The following ZCCHC7 variants were observed in gnomAD, a reference collection of about 807,000 sequenced individuals.
ZCCHC7 encodes the protein zinc finger CCHC domain-containing protein 7.
A neutral mutation model predicts 52.0 loss-of-function variants in ZCCHC7; 35 were observed. The observed-to-expected ratio is 0.67, with a 90% CI of 0.51 to 0.89. The LOEUF (loss-of-function observed/expected upper bound fraction) is 0.89. ZCCHC7 is among the 40% of genes least tolerant of loss of function. The pLI is 0.00. For missense variants in ZCCHC7, 574 were observed against 649.1 expected (o/e 0.88, Z 1.26); for synonymous variants, 217 against 221.5 (o/e 0.98, Z 0.18).
At chr9:37,278,816 G>A (rs774477336) in intron 2 of ZCCHC7, among the ~76,000 whole-genome samples, 15 of 152,088 alleles carry the variant, frequency 9.9e-5, no homozygotes, top group Non-Finnish European at 1.9e-4. Flanking sequence ...GGGAAAGCTG[G>A]GAATCAAGAA....
intron 2 of ZCCHC7, among the ~76,000 whole-genome samples, chr9:37,133,487 C>T (rs776991695): frequency 2.6e-5 from 4 of 151,886 alleles, no homozygotes; most frequent in Non-Finnish European, 5.9e-5. Flanking sequence ...GCAGTTCTTC[C>T]ACCTCAGCTT....
chr9:37,207,683 T>C (rs2131315), intron 2 of ZCCHC7, among the ~76,000 whole-genome samples: 89,445 of 151,702 alleles, frequency 0.59, 27,303 homozygotes, highest in African/African-American at 0.75. Context: ...CGGATAATTT[T>C]TACTGATCTA....
chr9:37,191,872 TAA>T (rs1228076244), intron 2 of ZCCHC7, among the ~76,000 whole-genome samples: 1 of 152,224 alleles, frequency 6.6e-6, no homozygotes. Context: ...AGACCAAAGC[TAA>T]ATTGCTCCAT....
chr9:37,163,677 T>C (rs772519219), intron 2 of ZCCHC7, among the ~76,000 whole-genome samples: 17 of 152,226 alleles, frequency 1.1e-4, no homozygotes, highest in Admixed American at 3.9e-4. Flanking sequence ...GCAAAAGTTA[T>C]TAATTTTGAA....
intron 2 of ZCCHC7, among the ~76,000 whole-genome samples, chr9:37,157,556 C>T (rs1820881339): frequency 6.6e-6 from 1 of 152,074 alleles, no homozygotes; most frequent in African/African-American, 2.4e-5. Context: ...TGATAGGGGA[C>T]TAATATCTAA....
At chr9:37,289,366 GTCTCGAA>G (rs1358635701) in intron 2 of ZCCHC7, among the ~76,000 whole-genome samples, 5 of 152,034 alleles carry the variant, frequency 3.3e-5, no homozygotes, top group African/African-American at 1.2e-4. Flanking sequence ...GGCCCGGCTG[GTCTCGAA>G]CTACTGACTT....
Position 37,125,061 on chromosome 9 carries a change from A to G in ZCCHC7, c.-21-1251A>G, listed in dbSNP as rs575274581. Among the ~76,000 whole-genome samples the G allele has an allele frequency of 5.6e-4, 85 of 152,326 alleles. 1 individual carries two copies. The highest frequency in any genetic ancestry group is 1.9e-3 in the African/African-American group (81 of 41,568). ...GATATGTAGTTTCACCATCTTGGCT[A>G]GGCTGGTCTCGAACTCCTGACTCAA... On this transcript the variant is annotated intron_variant, in intron 1 of 8. Coordinates refer to ENST00000336755, the MANE Select transcript of ZCCHC7 (RefSeq NM_032226.3).
intron 2 of ZCCHC7, among the ~76,000 whole-genome samples, chr9:37,222,286 T>C (rs571404712): frequency 6.7e-6 from 1 of 148,742 alleles, no homozygotes; most frequent in East Asian, 2.0e-4. Context: ...ACAGTTAAGA[T>C]AACATAGAAC....
intron 6 of ZCCHC7, among the ~76,000 whole-genome samples, chr9:37,331,817 A>T (rs1830460081): frequency 6.6e-6 from 1 of 150,572 alleles, no homozygotes; most frequent in African/African-American, 2.4e-5. Context: ...AACCATAATA[A>T]CCCCATCCAC....
intron 3 of ZCCHC7, 113 bp from the exon 4 acceptor site, chr9:37,304,075 C>A: frequency 9.6e-7 from 1 of 1,044,468 alleles, no homozygotes; most frequent in Non-Finnish European, 1.4e-6. Flanking sequence ...ATGGAACTGA[C>A]TTGAAGCTTG....
At chr9:37,237,439 T>C (rs1825703187) in intron 2 of ZCCHC7, among the ~76,000 whole-genome samples, 1 of 152,228 alleles carries the variant, frequency 6.6e-6, no homozygotes, top group Non-Finnish European at 1.5e-5. Flanking sequence ...TACTCTGTTC[T>C]CCTTCCTTTC....
chr9:37,157,522 G>T (rs755320696), intron 2 of ZCCHC7, among the ~76,000 whole-genome samples: 2 of 151,936 alleles, frequency 1.3e-5, no homozygotes, highest in South Asian at 4.1e-4. Flanking sequence ...CAGAATGAGA[G>T]AAAATATTTA....
chr9:37,303,485 C>T lies in ZCCHC7; in HGVS notation c.655-703C>T, dbSNP rs1003071808. Among the ~76,000 whole-genome samples the T allele has an allele frequency of 5.3e-5, 8 of 150,708 alleles. No individual in the cohort carries two copies. The East Asian group carries it at 5.8e-4, about 11-fold the overall frequency. ...CAGTGGCTTTGACTGAATGCTACCGCGGTGTCTAAGTGATGCATGTCAGTA... is the reference window on the plus strand; with the variant it reads ...CAGTGGCTTTGACTGAATGCTACCGTGGTGTCTAAGTGATGCATGTCAGTA... On this transcript the variant is annotated intron_variant, in intron 3 of 8. Coordinates refer to ENST00000336755, the MANE Select transcript of ZCCHC7 (RefSeq NM_032226.3).
At chr9:37,277,577 G>C (rs1212528289) in intron 2 of ZCCHC7, among the ~76,000 whole-genome samples, 1 of 152,182 alleles carries the variant, frequency 6.6e-6, no homozygotes, top group African/African-American at 2.4e-5. Flanking sequence ...TCAACATTTA[G>C]AATAAAGAAA....
At chr9:37,308,599 A>G (rs1381818086) in intron 5 of ZCCHC7, among the ~76,000 whole-genome samples, 1 of 152,146 alleles carries the variant, frequency 6.6e-6, no homozygotes, top group African/African-American at 2.4e-5. Context: ...AATAATCCCA[A>G]TGAATGTAGG....
chr9:37,348,227 T>C (rs1821123983), intron 6 of ZCCHC7, among the ~76,000 whole-genome samples: 2 of 152,178 alleles, frequency 1.3e-5, no homozygotes, highest in African/African-American at 2.4e-5. Flanking sequence ...CTTGCTCCTC[T>C]TTCTTTTTCT....
intron 2 of ZCCHC7, among the ~76,000 whole-genome samples, chr9:37,235,921 T>G (rs1363177883): frequency 6.6e-6 from 1 of 152,000 alleles, no homozygotes; most frequent in East Asian, 1.9e-4. Context: ...ATAGTATTCA[T>G]TGTGTATCTA....
intron 2 of ZCCHC7, among the ~76,000 whole-genome samples, chr9:37,297,691 T>C (rs1380285011): frequency 6.6e-6 from 1 of 152,218 alleles, no homozygotes; most frequent in African/African-American, 2.4e-5. Flanking sequence ...GCGGTGTAGA[T>C]AACCAACTGG....
At chr9:37,292,009 A>T (rs2133634875) in intron 2 of ZCCHC7, among the ~76,000 whole-genome samples, 1 of 152,316 alleles carries the variant, frequency 6.6e-6, no homozygotes, top group Middle Eastern at 3.4e-3. Flanking sequence ...TACAGTTATT[A>T]AGCAAAGAAG....
Sources: gnomAD v4.1 joint callset for allele counts (sites outside exome capture counted in the v4.1 genomes callset) on GRCh38, gnomAD v4.1.1 for gene constraint, MANE v1.5 for transcripts, NCBI Gene and HGNC (gene_info 2026-07-23, HGNC 2026-07-21) for gene names.